The following KYAT3 variants were observed in gnomAD, a reference collection of about 807,000 sequenced individuals.
KYAT3 encodes the protein kynurenine--oxoglutarate transaminase 3.
A neutral mutation model predicts 59.0 loss-of-function variants in KYAT3; 50 were observed. The ratio of observed to expected loss-of-function variants is 0.85; its 90% CI spans 0.68 to 1.07. The LOEUF is 1.07. KYAT3 is among the 50% of genes least tolerant of loss of function. KYAT3 has a pLI of 0.00. For missense variants in KYAT3, 497 were observed against 533.3 expected (o/e 0.93, Z 0.67); for synonymous variants, 148 against 177.0 (o/e 0.84, Z 1.30).
intron 13 of KYAT3, among the ~76,000 whole-genome samples, chr1:88,940,437 A>G (rs1675193588): frequency 6.6e-6 from 1 of 152,148 alleles, no homozygotes; most frequent in Non-Finnish European, 1.5e-5. Context: ...AGCATGCACT[A>G]TACCTATTGT....
In KYAT3 at chr1:88,947,907, T is replaced by C. The variant is rs375061719; in HGVS notation, c.1141+1184A>G. ...AGGAATTCATGACCAGCCTGGGAAA[T>C]GTGGCAAAACCTCGTCTCTAAAAAA... is the stretch of plus-strand genomic sequence containing the variant. On this transcript the variant is annotated intron_variant, in intron 11 of 13. Transcript: ENST00000260508. 4.2e-4 allele frequency among the ~76,000 whole-genome samples: 64 copies of C among 152,042 alleles called. 1 individual carries two copies. The highest frequency in any genetic ancestry group is 1.5e-3 in the African/African-American group (61 of 41,482).
At chr1:88,925,717 G>A in the KYAT3 span, among the ~76,000 whole-genome samples, 2 of 151,426 alleles carry the variant, frequency 1.3e-5, no homozygotes, top group African/African-American at 2.4e-5. Context: ...AGGAGAGACA[G>A]AGGAGAGAGA....
At position 88,949,265 on chromosome 1, in the gene KYAT3, G is replaced by A. The variant is rs929471624; in HGVS notation, c.967C>T (p.Gln323Ter). Residue 323 changes from glutamine to a stop codon, truncating the protein, a stop_gained, in exon 11 of 14, where the codon CAA becomes TAA. Transcript: ENST00000260508. LOFTEE classifies it high-confidence loss of function. ...CATPLQEALA[Q>*]AFWIDIKRMD... ...CGCTTGATGTCAATCCAGAAAGCTT[G>A]AGCCAAGGCTTCCTGTTTGTTAAGA... is the stretch of plus-strand genomic sequence containing the variant. 6.5e-7 allele frequency: 1 copy of A among 1,547,390 alleles called. No homozygotes were observed. Among genetic ancestry groups the A allele is most frequent in the African/African-American group, 1.4e-5 (1 of 71,132 alleles).
At chr1:88,935,277 A>G (rs922729987), downstream of KYAT3, among the ~76,000 whole-genome samples, 4 of 151,706 alleles carry the variant, frequency 2.6e-5, no homozygotes, top group Non-Finnish European at 5.9e-5. Context: ...TGCTGGGATT[A>G]CAGGCATGAG....
intron 10 of KYAT3, among the ~76,000 whole-genome samples, chr1:88,950,532 A>G (rs935227478): frequency 6.6e-6 from 1 of 151,074 alleles, no homozygotes; most frequent in Non-Finnish European, 1.5e-5. Flanking sequence ...TTGTTCATTT[A>G]CTATAGGAGA....
At chr1:88,982,746 C>G (rs1333197404) in intron 2 of KYAT3, 33 of 1,613,986 alleles carry the variant, frequency 2.0e-5, no homozygotes, top group Non-Finnish European at 2.8e-5. Context: ...CTGTAGGAAT[C>G]ACGTGAAGAA....
chr1:88,973,096 C>G (rs1377527715), intron 2 of KYAT3, among the ~76,000 whole-genome samples: 2 of 152,030 alleles, frequency 1.3e-5, no homozygotes, highest in African/African-American at 2.4e-5. Context: ...ATACATAGAC[C>G]CTGTGTGAAG....
At chr1:88,984,203 G>GATTTT (rs1557707537) in intron 2 of KYAT3, 1 of 98,302 alleles carries the variant, frequency 1.0e-5, no homozygotes, top group Admixed American at 9.5e-5. Flanking sequence ...TTTTTTTGTT[G>GATTTT]CTTTTTTTTT....
At chr1:88,989,437 C>G (rs1342648006) in intron 1 of KYAT3, among the ~76,000 whole-genome samples, 1 of 152,140 alleles carries the variant, frequency 6.6e-6, no homozygotes, top group Non-Finnish European at 1.5e-5. Context: ...CTCCATTTTT[C>G]ACAATAGGTG....
chr1:88,951,889 A>C (rs1249382161), intron 10 of KYAT3, among the ~76,000 whole-genome samples: 1 of 152,056 alleles, frequency 6.6e-6, no homozygotes, highest in Non-Finnish European at 1.5e-5. Flanking sequence ...AATTAAGGAG[A>C]TTATCCTTAA....
the KYAT3 span, among the ~76,000 whole-genome samples, chr1:88,925,827 C>A: frequency 1.3e-5 from 2 of 150,998 alleles, no homozygotes; most frequent in African/African-American, 2.5e-5. Flanking sequence ...CAAACAAAAA[C>A]CAGTGTGCCC....
At chr1:88,952,180 A>G (rs1450628526) in intron 10 of KYAT3, among the ~76,000 whole-genome samples, 1 of 152,268 alleles carries the variant, frequency 6.6e-6, no homozygotes, top group Non-Finnish European at 1.5e-5. Flanking sequence ...TAGGAAACTT[A>G]ATATGGTCAT....
chr1:88,940,754 C>T (rs7543661), intron 13 of KYAT3, among the ~76,000 whole-genome samples: 5,804 of 152,250 alleles, frequency 0.038, 322 homozygotes, highest in African/African-American at 0.12. Context: ...GTCTCCTTTC[C>T]ACCTTGCCTT....
At chr1:88,924,708 C>T in the KYAT3 span, among the ~76,000 whole-genome samples, 19 of 152,190 alleles carry the variant, frequency 1.2e-4, no homozygotes, top group Admixed American at 2.6e-4. Context: ...TCTCCAGATC[C>T]GGTAAGGTGT....
the KYAT3 span, among the ~76,000 whole-genome samples, chr1:88,923,022 CAG>C: frequency 3.4e-3 from 518 of 152,236 alleles, 4 homozygotes; most frequent in African/African-American, 0.012. Flanking sequence ...ACGGAGAAGA[CAG>C]AACTGTGAAA....
At chr1:88,929,824 A>G in the KYAT3 span, among the ~76,000 whole-genome samples, 7 of 152,220 alleles carry the variant, frequency 4.6e-5, no homozygotes, top group Non-Finnish European at 8.8e-5. Context: ...CACTAAAGCA[A>G]CTAAGAGGAT....
intron 2 of KYAT3, among the ~76,000 whole-genome samples, chr1:88,986,210 CAG>C (rs1184047381): frequency 6.7e-6 from 1 of 148,522 alleles, no homozygotes; most frequent in African/African-American, 2.5e-5. Flanking sequence ...GAGAGAGAGA[CAG>C]AGAGAGTTGA....
intron 3 of KYAT3, among the ~76,000 whole-genome samples, chr1:88,969,184 C>T (rs929943939): frequency 6.6e-6 from 1 of 152,208 alleles, no homozygotes; most frequent in Non-Finnish European, 1.5e-5. Flanking sequence ...AACATTTGTC[C>T]TTTTCTCTGC....
At chr1:88,986,916 C>T (rs944628764) in intron 2 of KYAT3, among the ~76,000 whole-genome samples, 1 of 152,180 alleles carries the variant, frequency 6.6e-6, no homozygotes, top group African/African-American at 2.4e-5. Context: ...AAATGCAAAG[C>T]CTCTGATGAA....
Sources: allele counts gnomAD v4.1 joint callset (sites outside exome capture counted in the v4.1 genomes callset), GRCh38; gene constraint gnomAD v4.1.1; transcripts MANE v1.5; gene names NCBI Gene and HGNC (gene_info 2026-07-23, HGNC 2026-07-21).